Variants in RIPOR2 observed in about 807,000 individuals in gnomAD.
The protein encoded by RIPOR2 is rho family-interacting cell polarization regulator 2.
RIPOR2 carries 39 observed loss-of-function variants against 114.5 expected under a neutral mutation model. The observed-to-expected ratio is 0.34, with a 90% CI of 0.26 to 0.44. RIPOR2 has a LOEUF of 0.44. RIPOR2 is among the 20% of genes least tolerant of loss of function. RIPOR2 has a pLI of 1.00. For synonymous variants in RIPOR2, 445 were observed against 484.4 expected (o/e 0.92, Z 1.07); for missense variants, 1,007 against 1,255.1 (o/e 0.80, Z 2.99).
At chr6:24,854,087 C>A (rs1156738321) in intron 8 of RIPOR2, among the ~76,000 whole-genome samples, 1 of 150,402 alleles carries the variant, frequency 6.6e-6, no homozygotes, top group African/African-American at 2.5e-5. Flanking sequence ...CCACTGCACT[C>A]CAGCCTGGGT....
intron 1 of RIPOR2, among the ~76,000 whole-genome samples, chr6:24,902,509 G>A (rs549160041): frequency 1.3e-5 from 2 of 152,098 alleles, no homozygotes; most frequent in African/African-American, 2.4e-5. Flanking sequence ...AAGCCACCGC[G>A]ACTGGCACTT....
rs141005501 is a variant in RIPOR2 at position 24,915,513 on chromosome 6, C to T, written c.61+20325G>A. On this transcript the variant is annotated intron_variant, in intron 1 of 21. Transcript: ENST00000643898. ...GGGATTACGTGGGATTACAGGCACC[C>T]GCCACCACTCCCAACTAATTTTTGT... Among the ~76,000 whole-genome samples the T allele has an allele frequency of 6.4e-3, 974 of 152,122 alleles. 12 individuals are homozygous for T. The highest frequency in any genetic ancestry group is 0.019 in the African/African-American group (800 of 41,500).
intron 1 of RIPOR2, among the ~76,000 whole-genome samples, chr6:24,954,686 G>C (rs1772949181): frequency 6.6e-6 from 1 of 151,980 alleles, no homozygotes; most frequent in African/African-American, 2.4e-5. Flanking sequence ...GAGCTCAAGT[G>C]ATCCTTCTGC....
Position 24,875,832 on chromosome 6 carries a change from A to ACAATTTATAG in RIPOR2, c.62-16_62-15insCTATAAATTG. 6.3e-7 allele frequency: 1 copy of ACAATTTATAG among 1,590,388 alleles called. No homozygotes were observed. Among genetic ancestry groups the ACAATTTATAG allele is most frequent in the Non-Finnish European group, 8.6e-7 (1 of 1,167,816 alleles). On this transcript the variant is annotated splice_polypyrimidine_tract_variant and intron_variant, in intron 1 of 21. Transcript: ENST00000643898. ...GGTCGGTAGTCCTAGAAGACAGTGG[A>ACAATTTATAG]AAGATCATGACAATTTATAGGCAGG...
At chr6:24,849,149 C>G (rs1378769818) in intron 11 of RIPOR2, among the ~76,000 whole-genome samples, 1 of 152,204 alleles carries the variant, frequency 6.6e-6, no homozygotes, top group East Asian at 1.9e-4. Context: ...AGCTGATCCA[C>G]CTGCCTTGGC....
intron 1 of RIPOR2, among the ~76,000 whole-genome samples, chr6:24,889,172 C>T (rs1434057899): frequency 6.6e-6 from 1 of 152,156 alleles, no homozygotes. Context: ...AGTTGGAACA[C>T]CTGGACTGCT....
chr6:24,809,074 A>C (rs2113620011), intron 21 of RIPOR2, among the ~76,000 whole-genome samples: 1 of 152,242 alleles, frequency 6.6e-6, no homozygotes, highest in South Asian at 2.1e-4. Context: ...ATACTTTTTA[A>C]TACAGAGTTA....
chr6:25,021,384 CA>C (rs1466837057), intron 1 of RIPOR2, among the ~76,000 whole-genome samples: 2 of 152,140 alleles, frequency 1.3e-5, no homozygotes, highest in Non-Finnish European at 2.9e-5. Flanking sequence ...AAGGCTGTGG[CA>C]CCCAAATGCC....
At position 25,029,299 on chromosome 6, in the gene RIPOR2, G is replaced by A. The variant is rs551172276; in HGVS notation, c.76+12552C>T. 3.3e-5 allele frequency among the ~76,000 whole-genome samples: 5 copies of A among 151,376 alleles called. No homozygotes were observed. In the East Asian group the frequency reaches 9.7e-4, roughly 29 times the overall value. ...AAGACTCCATCCCAGCTACTTGGGAGGCTAAGGCAGGAGAATGGCGTGAAC... is the reference window on the plus strand; with the variant it reads ...AAGACTCCATCCCAGCTACTTGGGAAGCTAAGGCAGGAGAATGGCGTGAAC... On this transcript the variant is annotated intron_variant, in intron 1 of 13. Coordinates refer to the RIPOR2 transcript ENST00000510784.
chr6:25,000,561 C>T (rs1487246088), intron 1 of RIPOR2, among the ~76,000 whole-genome samples: 2 of 152,098 alleles, frequency 1.3e-5, no homozygotes, highest in African/African-American at 2.4e-5. Flanking sequence ...TTTTCCCAAA[C>T]TAAAATTAAT....
intron 1 of RIPOR2, among the ~76,000 whole-genome samples, chr6:24,991,587 A>C (rs1774817847): frequency 6.6e-6 from 1 of 152,028 alleles, no homozygotes; most frequent in African/African-American, 2.4e-5. Context: ...ATGAAATCCC[A>C]CCTATGGGTT....
intron 1 of RIPOR2, among the ~76,000 whole-genome samples, chr6:24,991,916 C>G (rs541601133): frequency 6.6e-6 from 1 of 152,292 alleles, no homozygotes; most frequent in African/African-American, 2.4e-5. Flanking sequence ...CTTCTTGTAC[C>G]TGATTTCTGA....
chr6:24,974,495 T>C (rs532897970), intron 1 of RIPOR2, among the ~76,000 whole-genome samples: 2 of 152,312 alleles, frequency 1.3e-5, no homozygotes, highest in Non-Finnish European at 2.9e-5. Flanking sequence ...GCAGGATGGC[T>C]ACAACACACT....
chr6:24,870,863 T>C lies in RIPOR2; in HGVS notation c.447+3A>G. The C allele has an allele frequency of 2.5e-6, 4 of 1,604,704 alleles. No homozygotes were observed. Among genetic ancestry groups the C allele is most frequent in the Non-Finnish European group, 3.4e-6 (4 of 1,175,084 alleles). ...AGCACCCCAACACGGAATGGCAACT[T>C]ACCTTGTCTAGGTCATACAGTACAC... is the stretch of plus-strand genomic sequence containing the variant. On this transcript the variant is annotated splice_donor_region_variant and intron_variant, in intron 5 of 21. Transcript: ENST00000643898.
chr6:25,024,770 C>T (rs917028901), intron 1 of RIPOR2, among the ~76,000 whole-genome samples: 8 of 152,214 alleles, frequency 5.3e-5, no homozygotes, highest in African/African-American at 1.9e-4. Flanking sequence ...GTCCTTGGAG[C>T]TGGTGAGTAT....
At chr6:24,923,891 A>G (rs1770676823) in intron 1 of RIPOR2, among the ~76,000 whole-genome samples, 1 of 152,108 alleles carries the variant, frequency 6.6e-6, no homozygotes, top group Non-Finnish European at 1.5e-5. Flanking sequence ...AAATAAATGA[A>G]GAACTGCTCA....
chr6:24,955,587 T>C (rs560300936), intron 1 of RIPOR2, among the ~76,000 whole-genome samples: 8 of 152,178 alleles, frequency 5.3e-5, no homozygotes, highest in African/African-American at 1.9e-4. Flanking sequence ...CCATCAAGCA[T>C]GACTCTCTTA....
chr6:24,807,769 C>A (rs1181093421), intron 21 of RIPOR2, among the ~76,000 whole-genome samples: 1 of 152,168 alleles, frequency 6.6e-6, no homozygotes. Flanking sequence ...ATGTCGAAAT[C>A]ATTCCATACT....
chr6:24,927,314 TCAC>T (rs1771010377), intron 1 of RIPOR2, among the ~76,000 whole-genome samples: 2 of 58,248 alleles, frequency 3.4e-5, no homozygotes, highest in African/African-American at 1.2e-4. Flanking sequence ...ACAACTACAA[TCAC>T]TACCACCATC....
Sources: allele counts gnomAD v4.1 joint callset (sites outside exome capture counted in the v4.1 genomes callset), GRCh38; gene constraint gnomAD v4.1.1; transcripts MANE v1.5; gene names NCBI Gene and HGNC (gene_info 2026-07-23, HGNC 2026-07-21).